The following GPC3 variants were observed in gnomAD, a reference collection of about 807,000 sequenced individuals.
GPC3 encodes the protein glypican-3.
In GPC3, 3 loss-of-function variants were observed where a neutral mutation model predicts 34.4. The observed-to-expected ratio is 0.09, with a 90% confidence interval of 0.04 to 0.23. The LOEUF is 0.23. Among genes scored for constraint, GPC3 ranks in the 10% least tolerant of loss-of-function variants. GPC3 has a pLI of 1.00. For missense variants in GPC3, 351 were observed against 445.6 expected, an observed-to-expected ratio of 0.79 and a Z score of 1.91; for synonymous variants, 177 against 174.0, an observed-to-expected ratio of 1.02 and a Z score of -0.13.
intron 7 of GPC3, among the ~76,000 whole-genome samples, chrX:133,580,531 C>T (rs926996306): frequency 1.8e-5 from 2 of 111,748 alleles, no homozygotes; most frequent in Non-Finnish European, 3.8e-5. Context: ...ATTCATGGCT[C>T]CATGCTCTAA....
At chrX:133,814,861 C>T (rs1417861701) in intron 2 of GPC3, among the ~76,000 whole-genome samples, 3 of 111,685 alleles carry the variant, frequency 2.7e-5, no homozygotes, top group Admixed American at 9.5e-5. Flanking sequence ...AGCCACTGTG[C>T]GTGACCCACT....
At chrX:133,777,131 G>A (rs751205284) in intron 2 of GPC3, among the ~76,000 whole-genome samples, 4 of 109,607 alleles carry the variant, frequency 3.6e-5, no homozygotes, top group Admixed American at 9.7e-5. Context: ...TGTCCGCTTC[G>A]ACCTCCCAAA....
chrX:133,959,642 T>C (rs930676965), intron 1 of GPC3, among the ~76,000 whole-genome samples: 2 of 112,654 alleles, frequency 1.8e-5, no homozygotes, highest in Non-Finnish European at 3.7e-5. Context: ...GGATCATCAA[T>C]AGTACTTAGT....
At chrX:133,792,627 G>C (rs1223182216) in intron 2 of GPC3, among the ~76,000 whole-genome samples, 1 of 111,170 alleles carries the variant, frequency 9.0e-6, no homozygotes, top group Non-Finnish European at 1.9e-5. Flanking sequence ...CCAGAGGGCG[G>C]TATACCCACA....
chrX:133,863,724 C>T (rs1312821541), intron 2 of GPC3, among the ~76,000 whole-genome samples: 1 of 95,395 alleles, frequency 1.0e-5, no homozygotes, highest in Non-Finnish European at 2.0e-5. Flanking sequence ...GGCGCAATCT[C>T]GGCTCACTGC....
intron 7 of GPC3, among the ~76,000 whole-genome samples, chrX:133,544,692 A>AT (rs1395551227): frequency 1.8e-5 from 2 of 110,919 alleles, no homozygotes; most frequent in East Asian, 5.7e-4. Flanking sequence ...CGTCTGGCTA[A>AT]TTTTTTTATT....
At chrX:133,958,405 G>T (rs1223601029) in intron 1 of GPC3, among the ~76,000 whole-genome samples, 2 of 108,118 alleles carry the variant, frequency 1.8e-5, no homozygotes, top group African/African-American at 6.8e-5. Flanking sequence ...ATGTAACTAG[G>T]CATGGTAGTG....
chrX:133,779,977 A>T lies in GPC3; in HGVS notation c.338-25801T>A, dbSNP rs191331580. Among the ~76,000 whole-genome samples, 212 of 111,645 alleles carry T rather than the reference A, an allele frequency of 1.9e-3. 1 individual carries two copies. Among genetic ancestry groups the T allele is most frequent in the African/African-American group, 6.7e-3 (206 of 30,731 alleles). On this transcript the variant is annotated intron_variant, in intron 2 of 7. Coordinates refer to ENST00000370818, the MANE Select transcript of GPC3 (RefSeq NM_004484.4). ...TGGCGTTAGATCACAAAACACCTAGAAGTATCTTGCACATGGCACCTTTCT... is the reference window on the plus strand; with the variant it reads ...TGGCGTTAGATCACAAAACACCTAGTAGTATCTTGCACATGGCACCTTTCT...
intron 2 of GPC3, among the ~76,000 whole-genome samples, chrX:133,937,181 G>A (rs758550820): frequency 9.0e-5 from 10 of 110,879 alleles, no homozygotes; most frequent in Non-Finnish European, 1.5e-4. Flanking sequence ...TGATGGCATC[G>A]GGGCCACAAT....
chrX:133,714,057 G>A (rs902159902), intron 3 of GPC3, among the ~76,000 whole-genome samples: 2 of 111,884 alleles, frequency 1.8e-5, no homozygotes, highest in African/African-American at 3.2e-5. Context: ...CAATTGATAC[G>A]TTTGCAGCTT....
At chrX:133,883,057 C>T (rs896533898) in intron 2 of GPC3, among the ~76,000 whole-genome samples, 4 of 110,722 alleles carry the variant, frequency 3.6e-5, no homozygotes, top group African/African-American at 9.9e-5. Flanking sequence ...CAGTCCTCCA[C>T]TCTATATTTA....
At chrX:133,888,361 G>T (rs990382646) in intron 2 of GPC3, among the ~76,000 whole-genome samples, 1 of 111,670 alleles carries the variant, frequency 9.0e-6, no homozygotes. Flanking sequence ...CTTTGCTATT[G>T]TGAATAGTGC....
At chrX:133,906,720 C>T (rs1343042194) in intron 2 of GPC3, among the ~76,000 whole-genome samples, 1 of 112,104 alleles carries the variant, frequency 8.9e-6, no homozygotes, top group Non-Finnish European at 1.9e-5. Context: ...ACCTGCAAGG[C>T]ACGTTTTCAT....
chrX:133,976,450 A>T (rs970182466), intron 1 of GPC3, among the ~76,000 whole-genome samples: 3 of 112,374 alleles, frequency 2.7e-5, no homozygotes, highest in African/African-American at 9.7e-5. Flanking sequence ...CAGTTTAAAT[A>T]ACAGAAATAT....
chrX:133,967,691 C>T (rs2076469926), intron 1 of GPC3, among the ~76,000 whole-genome samples: 1 of 112,060 alleles, frequency 8.9e-6, no homozygotes, highest in South Asian at 3.7e-4. Context: ...TGCAATGGTG[C>T]AATCTTGGCT....
At chrX:133,840,696 G>C (rs2075820408) in intron 2 of GPC3, among the ~76,000 whole-genome samples, 1 of 110,864 alleles carries the variant, frequency 9.0e-6, no homozygotes, top group Admixed American at 9.6e-5. Flanking sequence ...TTTAGTCTAA[G>C]CTTCTCAGAA....
intron 2 of GPC3, among the ~76,000 whole-genome samples, chrX:133,816,266 G>C (rs950954675): frequency 9.0e-6 from 1 of 111,312 alleles, no homozygotes; most frequent in Non-Finnish European, 1.9e-5. Context: ...TGTCACCCAG[G>C]CTGGTCTCAA....
chrX:133,538,043 G>GTACTC (rs1188052476), intron 7 of GPC3, among the ~76,000 whole-genome samples: 1 of 111,463 alleles, frequency 9.0e-6, no homozygotes. Context: ...TTCTTCCTGA[G>GTACTC]TACTCGTAAT....
rs192453245 is a variant in GPC3 at position 133,911,085 on chromosome X, T to C, written c.337+41965A>G. Among the ~76,000 whole-genome samples the C allele has an allele frequency of 2.5e-4, 28 of 112,523 alleles. No homozygotes were observed. The East Asian group carries it at 3.3e-3, about 13-fold the overall frequency. Reference sequence around the variant, plus strand: ...AGTGCCCTGTAAGATACTGTTAATATTTTACATTTTAGCATAAAGCTTTCC... The same window carrying C: ...AGTGCCCTGTAAGATACTGTTAATACTTTACATTTTAGCATAAAGCTTTCC... On this transcript the variant is annotated intron_variant, in intron 2 of 7. Coordinates refer to ENST00000370818, the MANE Select transcript of GPC3 (RefSeq NM_004484.4).
Sources: gnomAD v4.1 joint callset for allele counts (sites outside exome capture counted in the v4.1 genomes callset) on GRCh38, gnomAD v4.1.1 for gene constraint, MANE v1.5 for transcripts, NCBI Gene and HGNC (gene_info 2026-07-23, HGNC 2026-07-21) for gene names.